F13A1: variants seen among roughly 807,000 people sequenced by gnomAD.
F13A1 encodes coagulation factor XIII A chain, also known as FSF, A subunit.
Under a neutral mutation model 80.1 loss-of-function variants are expected in F13A1, and 47 were observed. The ratio of observed to expected loss-of-function variants is 0.59; its 90% CI spans 0.46 to 0.75. F13A1 has a LOEUF of 0.75. F13A1 is among the 30% of genes least tolerant of loss of function. The probability of loss-of-function intolerance (pLI) is 0.00; values close to 1 mark genes in which losing one functional copy is unlikely to be tolerated. For missense variants in F13A1, 817 were observed against 930.4 expected (o/e 0.88, Z 1.59); for synonymous variants, 349 against 344.9 (o/e 1.01, Z -0.13).
At chr6:6,305,597 T>C (rs2113184413) in intron 2 of F13A1, 58 bp from the exon 3 acceptor site, 1 of 1,570,244 alleles carries the variant, frequency 6.4e-7, no homozygotes, top group African/African-American at 1.4e-5. Flanking sequence ...AGTTTAAACA[T>C]AAACTCAAAA....
chr6:6,315,015 A>C lies in F13A1; in HGVS notation c.130+3520T>G, dbSNP rs147502999. ...AAAGGTATAAGACCCCATTAGCCTG[A>C]AAAACTACTAGAACCCAGTTTTTAA... On this transcript the variant is annotated intron_variant, in intron 2 of 14. Transcript: ENST00000264870. Among the ~76,000 whole-genome samples the C allele has an allele frequency of 2.0e-4, 30 of 152,358 alleles. No individual in the cohort carries two copies. In the East Asian group the frequency reaches 5.8e-3, roughly 29 times the overall value.
At chr6:6,177,601 A>C (rs562569093) in intron 11 of F13A1, among the ~76,000 whole-genome samples, 1 of 152,340 alleles carries the variant, frequency 6.6e-6, no homozygotes, top group South Asian at 2.1e-4. Context: ...TTTATGTTCA[A>C]CTAAGCCTAG....
At chr6:6,160,835 A>G (rs1438551152) in intron 13 of F13A1, among the ~76,000 whole-genome samples, 1 of 149,700 alleles carries the variant, frequency 6.7e-6, no homozygotes, top group Non-Finnish European at 1.5e-5. Flanking sequence ...GAAACAGTCA[A>G]TTGTCCTCAT....
chr6:6,220,839 C>T (rs779173415), intron 8 of F13A1, among the ~76,000 whole-genome samples: 3 of 152,118 alleles, frequency 2.0e-5, no homozygotes, highest in Non-Finnish European at 4.4e-5. Context: ...TCCAATGAAC[C>T]GAACTATTTT....
chr6:6,182,762 A>G (rs947401096), intron 10 of F13A1, among the ~76,000 whole-genome samples: 1 of 152,148 alleles, frequency 6.6e-6, no homozygotes, highest in Non-Finnish European at 1.5e-5. Context: ...GGGGGCCTTA[A>G]TGATGCTGTT....
intron 11 of F13A1, among the ~76,000 whole-genome samples, chr6:6,178,282 A>T (rs545100014): frequency 1.3e-5 from 2 of 152,272 alleles, no homozygotes; most frequent in East Asian, 3.9e-4. Context: ...CTTTTATTGG[A>T]CACTTATTAT....
At chr6:6,221,977 A>T (rs1204114082) in intron 8 of F13A1, 56 bp downstream of exon 8, 1 of 1,588,070 alleles carries the variant, frequency 6.3e-7, no homozygotes, top group Admixed American at 1.7e-5. Flanking sequence ...CTTGTGGTAA[A>T]TGTGTAACAT....
chr6:6,227,843 T>C (rs1335996216), intron 6 of F13A1, among the ~76,000 whole-genome samples: 3 of 152,216 alleles, frequency 2.0e-5, no homozygotes, highest in Non-Finnish European at 4.4e-5. Flanking sequence ...TAATTGTTAA[T>C]GCTGAGCTGT....
chr6:6,221,986 A>T, intron 8 of F13A1, 47 bp downstream of exon 8: 1 of 1,605,986 alleles, frequency 6.2e-7, no homozygotes. Flanking sequence ...AATGTGTAAC[A>T]TTACTATAAT....
At chr6:6,318,449 C>G in intron 2 of F13A1, 86 bp downstream of exon 2, 1 of 1,482,402 alleles carries the variant, frequency 6.7e-7, no homozygotes, top group Non-Finnish European at 9.0e-7. Flanking sequence ...CCAGTGGAGA[C>G]AGAGGATGTT....
intron 10 of F13A1, among the ~76,000 whole-genome samples, chr6:6,194,075 T>C (rs1464810439): frequency 6.6e-6 from 1 of 152,206 alleles, no homozygotes; most frequent in Non-Finnish European, 1.5e-5. Context: ...CTTTTCCTCA[T>C]TATTGCCATT....
intron 12 of F13A1, 139 bp from the exon 13 acceptor site, chr6:6,167,757 C>T (rs972825823): frequency 1.1e-5 from 10 of 882,748 alleles, no homozygotes; most frequent in Admixed American, 4.0e-5. Flanking sequence ...GCAAGTGGAA[C>T]AAAGAGTCAA....
intron 8 of F13A1, chr6:6,206,705 G>T: frequency 2.6e-6 from 1 of 384,316 alleles, no homozygotes. Flanking sequence ...TCCTTCATTA[G>T]GCTGAAACTA....
intron 6 of F13A1, among the ~76,000 whole-genome samples, chr6:6,227,285 A>G (rs1438062336): frequency 6.6e-6 from 1 of 152,194 alleles, no homozygotes; most frequent in Non-Finnish European, 1.5e-5. Flanking sequence ...TTCCCCCTTT[A>G]ACTCTGTGTC....
At chr6:6,279,298 C>T (rs910336139) in intron 3 of F13A1, among the ~76,000 whole-genome samples, 1 of 152,118 alleles carries the variant, frequency 6.6e-6, no homozygotes, top group African/African-American at 2.4e-5. Context: ...AGGCTAAACT[C>T]TTTAAGATCT....
intron 3 of F13A1, among the ~76,000 whole-genome samples, chr6:6,273,732 G>A (rs1437633405): frequency 6.6e-6 from 1 of 152,180 alleles, no homozygotes; most frequent in Non-Finnish European, 1.5e-5. Flanking sequence ...GTAACAGCAT[G>A]ATGTATGTGG....
At chr6:6,276,228 C>T (rs922095474) in intron 3 of F13A1, among the ~76,000 whole-genome samples, 4 of 152,140 alleles carry the variant, frequency 2.6e-5, no homozygotes, top group African/African-American at 9.7e-5. Context: ...GAGGTAGGTT[C>T]GGCCAAAGAG....
intron 2 of F13A1, among the ~76,000 whole-genome samples, chr6:6,310,424 TCA>T (rs771437203): frequency 2.0e-5 from 3 of 152,320 alleles, no homozygotes; most frequent in Admixed American, 6.5e-5. Context: ...TATCTGAGCC[TCA>T]GTTTTCTTAT....
At chr6:6,227,303 G>A (rs1299813261) in intron 6 of F13A1, among the ~76,000 whole-genome samples, 3 of 152,286 alleles carry the variant, frequency 2.0e-5, no homozygotes, top group East Asian at 3.9e-4. Context: ...GTCCAGTCAG[G>A]TTAAAGTGAA....
Sources: allele counts gnomAD v4.1 joint callset (sites outside exome capture counted in the v4.1 genomes callset), GRCh38; gene constraint gnomAD v4.1.1; transcripts MANE v1.5; gene names NCBI Gene and HGNC (gene_info 2026-07-23, HGNC 2026-07-21).